Variants in CRY2 observed in about 807,000 individuals in gnomAD.
The protein encoded by CRY2 is cryptochrome circadian regulator 2.
In CRY2, 31 loss-of-function variants were observed where a neutral mutation model predicts 69.5. The ratio of observed to expected loss-of-function variants is 0.45; its 90% CI spans 0.34 to 0.60. The LOEUF (loss-of-function observed/expected upper bound fraction) is 0.60, where lower values mean the gene tolerates loss of function less well. Among genes scored for constraint, CRY2 ranks in the 20% least tolerant of loss-of-function variants. The pLI, the probability that CRY2 is intolerant of heterozygous loss-of-function variation, is 0.02. For missense variants in CRY2, 606 were observed against 797.8 expected (o/e 0.76, Z 2.90); for synonymous variants, 303 against 312.2 (o/e 0.97, Z 0.31).
upstream of CRY2, chr11:45,847,126 C>CT: frequency 6.7e-7 from 1 of 1,483,012 alleles, no homozygotes. Context: ...GCAGCTTCTT[C>CT]TAGAAGCAGG....
chr11:45,876,805 T>A (rs1262226891), intron 11 of CRY2, among the ~76,000 whole-genome samples: 1 of 152,224 alleles, frequency 6.6e-6, no homozygotes, highest in African/African-American at 2.4e-5. Context: ...TGAAAGGCAC[T>A]AGCAATTGGT....
chr11:45,858,767 T>C lies in CRY2; in HGVS notation c.361T>C (p.Ser121Pro). The change falls in exon 3 of 12, where the codon TCT (serine) becomes CCT (proline). Residue 121 changes from serine to proline, a missense_variant. Physicochemically the swap from Ser to Pro is moderately conservative, Grantham distance 74. This residue lies in a region of CRY2 where 382 missense variants were observed against 508.9 expected (regional missense o/e 0.75). Transcript: ENST00000616080. Reference protein sequence around the residue: ...GVTRLTFEYDSEPFGKERDAA... With the variant: ...GVTRLTFEYDPEPFGKERDAA... ...GACCCGCTTGACCTTTGAATATGAC[T>C]CTGAACCCTTTGGGAAAGAACGGGA... 1 of 1,614,090 alleles carries C rather than the reference T, an allele frequency of 6.2e-7. No individual in the cohort carries two copies. Among genetic ancestry groups the C allele is most frequent in the South Asian group, 1.1e-5 (1 of 91,080 alleles).
At chr11:45,855,660 C>T (rs2086233538) in intron 1 of CRY2, among the ~76,000 whole-genome samples, 1 of 152,204 alleles carries the variant, frequency 6.6e-6, no homozygotes, top group Admixed American at 6.5e-5. Context: ...GTTTTTCACA[C>T]ATTATTCGAT....
At chr11:45,847,739 AGCCAGGACCCTGACCCTGGGGTGACCG>A in intron 1 of CRY2, 34 bp downstream of exon 1, 2 of 1,522,196 alleles carry the variant, frequency 1.3e-6, no homozygotes, top group Non-Finnish European at 1.8e-6. Context: ...GCGGGGACGC[AGCCAGGACCCTGACCCTGGGGTGACCG>A]GCGAACAGCA....
chr11:45,853,505 A>G (rs889170920), intron 1 of CRY2, among the ~76,000 whole-genome samples: 11 of 152,234 alleles, frequency 7.2e-5, no homozygotes, highest in African/African-American at 2.4e-4. Context: ...AGATTGCTAC[A>G]TGTTCTGGAA....
intron 6 of CRY2, 58 bp downstream of exon 6, chr11:45,867,810 C>T: frequency 1.2e-6 from 2 of 1,607,602 alleles, no homozygotes; most frequent in Non-Finnish European, 1.7e-6. Context: ...GCCTTTTGGG[C>T]TTGTCAGTCA....
At chr11:45,869,850 A>G in intron 7 of CRY2, 33 bp downstream of exon 7, 1 of 1,577,642 alleles carries the variant, frequency 6.3e-7, no homozygotes. Flanking sequence ...GCTGGCCTGT[A>G]CCCTCTGGTC....
Position 45,858,842 on chromosome 11 carries a change from G to A in CRY2, c.436G>A (p.Glu146Lys). ...GGAGGCTGGTGTGGAAGTAGTGACG[G>A]AGAATTCTCATACCCTCTATGACCT... ...AKEAGVEVVT[E>K]NSHTLYDLDR... is the part of the protein sequence containing the mutation. Residue 146 changes from glutamate (E) to lysine (K), a missense_variant, in exon 3 of 12, where the codon GAG becomes AAG. Physicochemically the swap from Glu to Lys is moderately conservative, Grantham distance 56 (BLOSUM62 1). This residue lies in a region of CRY2 where 382 missense variants were observed against 508.9 expected (regional missense o/e 0.75). Transcript: ENST00000616080. The A allele has an allele frequency of 6.2e-7, 1 of 1,614,192 alleles. No homozygotes were observed. Among genetic ancestry groups the A allele is most frequent in the Non-Finnish European group, 8.5e-7 (1 of 1,180,028 alleles).
At chr11:45,874,627 C>A (rs1371848058) in intron 11 of CRY2, among the ~76,000 whole-genome samples, 1 of 152,164 alleles carries the variant, frequency 6.6e-6, no homozygotes, top group Non-Finnish European at 1.5e-5. Flanking sequence ...AGGAGACAGA[C>A]AGTAAACAAA....
intron 2 of CRY2, 131 bp from the exon 3 acceptor site, chr11:45,858,600 C>T: frequency 9.9e-7 from 1 of 1,010,174 alleles, no homozygotes; most frequent in Non-Finnish European, 1.4e-6. Flanking sequence ...AATCCCTGTT[C>T]CTAGTTTTTT....
At chr11:45,875,592 G>A (rs543610985) in intron 11 of CRY2, among the ~76,000 whole-genome samples, 3 of 152,292 alleles carry the variant, frequency 2.0e-5, no homozygotes, top group Admixed American at 6.5e-5. Flanking sequence ...ACTGATTCTT[G>A]AGGTTTACTC....
chr11:45,868,848 C>G (rs2086352061), intron 6 of CRY2, among the ~76,000 whole-genome samples: 1 of 151,864 alleles, frequency 6.6e-6, no homozygotes, highest in Non-Finnish European at 1.5e-5. Context: ...GTTGCCCAGG[C>G]TGATCTCAAA....
At chr11:45,878,027 C>T (rs975101845) in intron 11 of CRY2, among the ~76,000 whole-genome samples, 3 of 152,288 alleles carry the variant, frequency 2.0e-5, no homozygotes, top group Non-Finnish European at 1.5e-5. Flanking sequence ...TAACTGGTGC[C>T]GAAGTCAACA....
chr11:45,870,210 G>A lies in CRY2; in HGVS notation c.1346+6G>A. Reference sequence around the variant, plus strand: ...CCCAGTGGGGACTACATCAGGTGAGGATACAGACCAGGCTCTCTGGCCTCT... The same window carrying A: ...CCCAGTGGGGACTACATCAGGTGAGAATACAGACCAGGCTCTCTGGCCTCT... On this transcript the variant is annotated splice_donor_region_variant and intron_variant, in intron 8 of 11. Transcript: ENST00000616080. 6.2e-7 allele frequency: 1 copy of A among 1,610,868 alleles called. No homozygotes were observed. The highest frequency in any genetic ancestry group is 1.1e-5 in the South Asian group (1 of 90,932).
intron 1 of CRY2, among the ~76,000 whole-genome samples, chr11:45,851,926 C>G (rs1011824978): frequency 6.6e-6 from 1 of 152,202 alleles, no homozygotes; most frequent in Non-Finnish European, 1.5e-5. Context: ...TCCCTCCCCC[C>G]ATTAACAACA....
At chr11:45,867,919 C>A in intron 6 of CRY2, 167 bp downstream of exon 6, 1 of 852,684 alleles carries the variant, frequency 1.2e-6, no homozygotes, top group Non-Finnish European at 1.8e-6. Context: ...ACTCAATATC[C>A]AAGAGGGCAG....
chr11:45,861,011 G>A lies in CRY2; in HGVS notation c.631G>A (p.Val211Met), dbSNP rs564427935. The A allele has an allele frequency of 1.2e-5, 20 of 1,613,250 alleles. No individual in the cohort carries two copies. The Admixed American group carries it at 2.0e-4, about 16-fold the overall frequency. ...IQENHDETYG[V>M]PSLEELGFPT... ...GGAGAACCACGACGAGACCTACGGC[G>A]TGCCCTCCCTGGAGGAGCTGGGTGC... The change falls in exon 4 of 12, where the codon GTG (valine) becomes ATG (methionine). Residue 211 changes from valine (V) to methionine (M), a missense_variant. Val to Met is a conservative substitution (Grantham distance 21). Transcript: ENST00000616080.
chr11:45,847,446 G>T (rs201757402), upstream of CRY2: 403 of 1,593,604 alleles, frequency 2.5e-4, 2 homozygotes, highest in African/African-American at 4.9e-3. Context: ...GGTCCACGTC[G>T]CCTACCGGGG....
intron 1 of CRY2, among the ~76,000 whole-genome samples, chr11:45,848,716 T>C (rs1276014323): frequency 2.0e-5 from 3 of 152,248 alleles, no homozygotes; most frequent in African/African-American, 4.8e-5. Context: ...GTTTGCATTG[T>C]TCTGGGGAAT....
Sources: gnomAD v4.1 joint callset for allele counts (sites outside exome capture counted in the v4.1 genomes callset) on GRCh38, gnomAD v4.1.1 for gene constraint, gnomAD v4.1.1 regional missense constraint, MANE v1.5 for transcripts, NCBI Gene and HGNC (gene_info 2026-07-23, HGNC 2026-07-21) for gene names.